Variants in RTN4 observed in about 807,000 individuals in gnomAD.
RTN4 encodes the protein reticulon 4.
Under a neutral mutation model 90.4 loss-of-function variants are expected in RTN4, and 32 were observed. The ratio of observed to expected loss-of-function variants is 0.35; its 90% CI spans 0.27 to 0.48. The LOEUF is 0.48. Ranked by LOEUF, RTN4 falls within the 20% of genes least tolerant of loss-of-function variation. The pLI, the probability that RTN4 is intolerant of heterozygous loss-of-function variation, is 0.99. For missense variants in RTN4, 1,706 were observed against 1,430.2 expected, an observed-to-expected ratio of 1.19 and a Z score of -3.11; for synonymous variants, 629 against 552.5, an observed-to-expected ratio of 1.14 and a Z score of -1.94.
chr2:55,065,993 G>A (rs1050559900), intron 2 of RTN4, among the ~76,000 whole-genome samples: 2 of 152,184 alleles, frequency 1.3e-5, no homozygotes, highest in Non-Finnish European at 2.9e-5. Context: ...ATTTTACAAT[G>A]TGGATGTCAT....
At chr2:55,019,177 T>C (rs554813691) in intron 3 of RTN4, among the ~76,000 whole-genome samples, 2 of 152,336 alleles carry the variant, frequency 1.3e-5, no homozygotes, top group Non-Finnish European at 2.9e-5. Flanking sequence ...TACTGATAAT[T>C]AATTAGCTAA....
At chr2:55,104,737 T>A (rs1473764838) in intron 1 of RTN4, among the ~76,000 whole-genome samples, 3 of 152,074 alleles carry the variant, frequency 2.0e-5, no homozygotes, top group Non-Finnish European at 4.4e-5. Flanking sequence ...AATAATAATT[T>A]TTTTAAAAAA....
intron 2 of RTN4, among the ~76,000 whole-genome samples, chr2:55,059,987 G>A (rs913792489): frequency 5.3e-5 from 8 of 152,026 alleles, no homozygotes; most frequent in Non-Finnish European, 7.4e-5. Flanking sequence ...GCCATAATAC[G>A]TTTTGATTAA....
intron 1 of RTN4, among the ~76,000 whole-genome samples, chr2:55,104,751 A>G (rs969741563): frequency 6.6e-6 from 1 of 152,084 alleles, no homozygotes; most frequent in Non-Finnish European, 1.5e-5. Flanking sequence ...TAAAAAAAGA[A>G]ACTTCCTAGA....
At chr2:54,975,243 C>T (rs1014201815) in intron 5 of RTN4, among the ~76,000 whole-genome samples, 5 of 152,146 alleles carry the variant, frequency 3.3e-5, no homozygotes, top group African/African-American at 1.2e-4. Flanking sequence ...TTTCAGGTAC[C>T]AAAAATATCA....
chr2:55,023,221 A>T (rs940497026), intron 3 of RTN4, among the ~76,000 whole-genome samples: 2 of 152,106 alleles, frequency 1.3e-5, no homozygotes, highest in African/African-American at 4.8e-5. Context: ...AATCAATACA[A>T]TCATTTGCCT....
At chr2:55,129,566 A>G in the RTN4 span, among the ~76,000 whole-genome samples, 1 of 143,406 alleles carries the variant, frequency 7.0e-6, no homozygotes, top group Non-Finnish European at 1.5e-5. Context: ...GGTGAGTGAC[A>G]AAGCAAGACT....
intron 2 of RTN4, among the ~76,000 whole-genome samples, chr2:55,062,074 A>G (rs576704365): frequency 6.6e-6 from 1 of 152,264 alleles, no homozygotes; most frequent in East Asian, 1.9e-4. Flanking sequence ...CCGGCAGGTC[A>G]TTGACCGGCA....
At chr2:55,090,875 C>G (rs550299090) in intron 1 of RTN4, among the ~76,000 whole-genome samples, 58 of 152,224 alleles carry the variant, frequency 3.8e-4, no homozygotes, top group Non-Finnish European at 2.9e-4. Context: ...AGCCCCAAAT[C>G]TACGAGTCAT....
At chr2:55,094,288 A>G (rs1200342577) in intron 1 of RTN4, among the ~76,000 whole-genome samples, 1 of 152,242 alleles carries the variant, frequency 6.6e-6, no homozygotes, top group Non-Finnish European at 1.5e-5. Context: ...GGAATCCATC[A>G]GCACCTGCAT....
chr2:55,049,705 G>T (rs1440348805), intron 1 of RTN4, 40 bp downstream of exon 1: 3 of 1,418,586 alleles, frequency 2.1e-6, no homozygotes, highest in Non-Finnish European at 1.9e-6. Flanking sequence ...AGAGGGAGGG[G>T]CGCGAGGGGC....
intron 2 of RTN4, among the ~76,000 whole-genome samples, chr2:55,055,891 G>T (rs192876417): frequency 6.6e-6 from 1 of 151,554 alleles, no homozygotes; most frequent in East Asian, 1.9e-4. Flanking sequence ...ACATAAGAAT[G>T]TATATCTATA....
chr2:55,055,160 A>C (rs529448920), upstream of RTN4, among the ~76,000 whole-genome samples: 53 of 152,034 alleles, frequency 3.5e-4, no homozygotes, highest in African/African-American at 1.3e-3. Flanking sequence ...TTGAATATGC[A>C]TTGTTTCCCT....
intron 1 of RTN4, among the ~76,000 whole-genome samples, chr2:55,033,666 A>C (rs1682485017): frequency 6.6e-6 from 1 of 152,216 alleles, no homozygotes. Context: ...ATCTTCCTTC[A>C]GGCATAAATT....
the RTN4 span, among the ~76,000 whole-genome samples, chr2:55,129,556 G>A: frequency 6.6e-6 from 1 of 150,700 alleles, no homozygotes; most frequent in African/African-American, 2.5e-5. Flanking sequence ...ACACAGACTG[G>A]GTGAGTGACA....
At chr2:55,136,790 C>G in the RTN4 span, among the ~76,000 whole-genome samples, 6 of 152,338 alleles carry the variant, frequency 3.9e-5, no homozygotes, top group South Asian at 1.0e-3. Flanking sequence ...TTCTATTGGA[C>G]AGTGCACATC....
intron 3 of RTN4, among the ~76,000 whole-genome samples, chr2:54,998,349 T>G (rs1333940038): frequency 6.6e-6 from 1 of 152,172 alleles, no homozygotes; most frequent in Non-Finnish European, 1.5e-5. Flanking sequence ...ATGTATGTCT[T>G]ACTACCTAAC....
chr2:55,090,080 G>C (rs576348158), intron 1 of RTN4, among the ~76,000 whole-genome samples: 17 of 152,202 alleles, frequency 1.1e-4, no homozygotes, highest in Middle Eastern at 3.4e-3. Flanking sequence ...TTTCTCCTGA[G>C]TCTTTGGTAG....
At chr2:54,974,658 C>G in intron 6 of RTN4, 37 bp downstream of exon 6, 2 of 1,465,380 alleles carry the variant, frequency 1.4e-6, no homozygotes, top group Non-Finnish European at 1.9e-6. Context: ...CACAATCTTT[C>G]CAGCAATTTT....
Sources: allele counts gnomAD v4.1 joint callset (sites outside exome capture counted in the v4.1 genomes callset), GRCh38; gene constraint gnomAD v4.1.1; transcripts MANE v1.5; gene names NCBI Gene and HGNC (gene_info 2026-07-23, HGNC 2026-07-21).